Variants in CCDC148 observed in about 807,000 individuals in gnomAD.
CCDC148 encodes the protein coiled-coil domain-containing protein 148.
A neutral mutation model predicts 85.7 loss-of-function variants in CCDC148; 89 were observed. The ratio of observed to expected loss-of-function variants is 1.04; its 90% CI spans 0.87 to 1.24. CCDC148 has a LOEUF of 1.24. Among genes scored for constraint, CCDC148 ranks in the 50% most tolerant of loss-of-function variants. CCDC148 has a pLI of 0.00. For synonymous variants in CCDC148, 230 were observed against 213.9 expected (o/e 1.08, Z -0.66); for missense variants, 692 against 671.7 (o/e 1.03, Z -0.33).
intron 2 of CCDC148, among the ~76,000 whole-genome samples, chr2:158,349,312 T>C (rs896813944): frequency 6.6e-6 from 1 of 152,004 alleles, no homozygotes; most frequent in Non-Finnish European, 1.5e-5. Context: ...GTTAATTACA[T>C]GTCTAAAAAA....
chr2:158,451,915 C>T (rs1357722222), intron 1 of CCDC148, among the ~76,000 whole-genome samples: 3 of 151,908 alleles, frequency 2.0e-5, no homozygotes, highest in Non-Finnish European at 4.4e-5. Context: ...CAGGGACTCA[C>T]TAAAGGCAAA....
chr2:158,406,615 T>TTTTTTTTCTGTTTTTTTTTTTTG (rs1337404869), intron 1 of CCDC148, among the ~76,000 whole-genome samples: 7,073 of 67,512 alleles, frequency 0.1, 708 homozygotes, highest in Non-Finnish European at 0.15. Flanking sequence ...TTAAATTTCT[T>TTTTTTTTCTGTTTTTTTTTTTTG]TTTTTTTTTT....
At chr2:158,437,871 A>T in intron 1 of CCDC148, among the ~76,000 whole-genome samples, 1 of 152,228 alleles carries the variant, frequency 6.6e-6, no homozygotes, top group Non-Finnish European at 1.5e-5. Flanking sequence ...ATTCCCATTC[A>T]CAACTGCTTC....
intron 9 of CCDC148, among the ~76,000 whole-genome samples, chr2:158,252,141 C>A (rs1688816630): frequency 6.6e-6 from 1 of 151,632 alleles, no homozygotes; most frequent in Admixed American, 6.6e-5. Context: ...ATATAAGCAT[C>A]ATTTATTAAT....
chr2:158,316,564 T>C (rs1275581531), intron 7 of CCDC148, among the ~76,000 whole-genome samples: 4 of 152,172 alleles, frequency 2.6e-5, no homozygotes, highest in Non-Finnish European at 5.9e-5. Context: ...TTAGTACATG[T>C]AGAATAAAAA....
At chr2:158,175,350 A>T (rs1684527893) in intron 13 of CCDC148, among the ~76,000 whole-genome samples, 1 of 151,890 alleles carries the variant, frequency 6.6e-6, no homozygotes, top group South Asian at 2.1e-4. Flanking sequence ...TGTTGTTATT[A>T]TCGTAAATCA....
At chr2:158,240,329 T>C (rs1688294217) in intron 10 of CCDC148, among the ~76,000 whole-genome samples, 2 of 152,062 alleles carry the variant, frequency 1.3e-5, no homozygotes, top group Non-Finnish European at 2.9e-5. Context: ...CATGGGATTT[T>C]TGTGTTCACA....
At chr2:158,378,660 T>G (rs1684752591) in intron 1 of CCDC148, among the ~76,000 whole-genome samples, 1 of 152,092 alleles carries the variant, frequency 6.6e-6, no homozygotes, top group Non-Finnish European at 1.5e-5. Context: ...GCTGGTGACT[T>G]TAAGTTGAAG....
In CCDC148 at chr2:158,323,919, C is replaced by CTTTTTTTTT. The variant is rs777356867; in HGVS notation, c.765-10034_765-10026dup. 2.9e-3 allele frequency among the ~76,000 whole-genome samples: 243 copies of CTTTTTTTTT among 82,970 alleles called. 19 individuals are homozygous for CTTTTTTTTT. Among genetic ancestry groups the CTTTTTTTTT allele is most frequent in the Non-Finnish European group, 4.3e-3 (179 of 41,616 alleles). The allele number at this position is 82,970 out of a possible 152,430, so 54.4% of individuals were successfully genotyped here. ...GTCTAATTTCACCACCTGGGAATAA[C>CTTTTTTTTT]TTTTTTTTTTTTTTTTTTTTTTTTT... On this transcript the variant is annotated intron_variant, in intron 7 of 13. Transcript: ENST00000283233.
chr2:158,179,312 C>T (rs376330675), intron 11 of CCDC148, among the ~76,000 whole-genome samples: 1 of 151,626 alleles, frequency 6.6e-6, no homozygotes, highest in Non-Finnish European at 1.5e-5. Context: ...GTACCCGCCA[C>T]CATGCCCAGC....
chr2:158,438,702 G>T (rs1687786494), intron 1 of CCDC148, among the ~76,000 whole-genome samples: 2 of 152,128 alleles, frequency 1.3e-5, no homozygotes, highest in Non-Finnish European at 2.9e-5. Flanking sequence ...TACAGAATGG[G>T]AGAAAATTTT....
intron 1 of CCDC148, among the ~76,000 whole-genome samples, chr2:158,409,533 G>T (rs1686169959): frequency 6.6e-6 from 1 of 152,170 alleles, no homozygotes; most frequent in Admixed American, 6.5e-5. Context: ...ATTTTAAATG[G>T]CTGTATTTAT....
At chr2:158,199,112 T>C (rs192512581) in intron 11 of CCDC148, among the ~76,000 whole-genome samples, 4 of 152,160 alleles carry the variant, frequency 2.6e-5, no homozygotes, top group Non-Finnish European at 4.4e-5. Context: ...TAAGAAAACA[T>C]GTCTTGGTTT....
chr2:158,263,486 A>T (rs61366049), intron 9 of CCDC148, among the ~76,000 whole-genome samples: 6,480 of 152,144 alleles, frequency 0.043, 208 homozygotes, highest in East Asian at 0.14. Flanking sequence ...GACAAGGTGT[A>T]TGCCAATTTT....
At chr2:158,454,882 A>G (rs924588013) in intron 1 of CCDC148, among the ~76,000 whole-genome samples, 3 of 152,260 alleles carry the variant, frequency 2.0e-5, no homozygotes, top group African/African-American at 7.2e-5. Flanking sequence ...TTCAGGGGAC[A>G]TTATTCATGG....
intron 1 of CCDC148, among the ~76,000 whole-genome samples, chr2:158,380,311 G>A (rs949558083): frequency 6.6e-6 from 1 of 152,168 alleles, no homozygotes; most frequent in African/African-American, 2.4e-5. Context: ...CAATAGTACT[G>A]TAAAAGAAAG....
intron 1 of CCDC148, among the ~76,000 whole-genome samples, chr2:158,370,699 G>T (rs1010509067): frequency 6.6e-6 from 1 of 151,814 alleles, no homozygotes; most frequent in Non-Finnish European, 1.5e-5. Flanking sequence ...GGAACCAAAA[G>T]ATGTACTATT....
At chr2:158,451,851 T>C (rs2105350906) in intron 1 of CCDC148, among the ~76,000 whole-genome samples, 1 of 152,252 alleles carries the variant, frequency 6.6e-6, no homozygotes, top group African/African-American at 2.4e-5. Context: ...ATCTGTTTTC[T>C]TTTGTTGTAA....
At chr2:158,450,469 T>G (rs1255231044) in intron 1 of CCDC148, among the ~76,000 whole-genome samples, 1 of 152,150 alleles carries the variant, frequency 6.6e-6, no homozygotes, top group East Asian at 1.9e-4. Flanking sequence ...ACTTTGAGCT[T>G]TGCACAAAGC....
Sources: gnomAD v4.1 joint callset for allele counts (sites outside exome capture counted in the v4.1 genomes callset) on GRCh38, gnomAD v4.1.1 for gene constraint, MANE v1.5 for transcripts, NCBI Gene and HGNC (gene_info 2026-07-23, HGNC 2026-07-21) for gene names.